PAM: variants seen among roughly 807,000 people sequenced by gnomAD.
PAM encodes peptidyl-glycine alpha-amidating monooxygenase.
A neutral mutation model predicts 122.1 loss-of-function variants in PAM; 72 were observed. The ratio of observed to expected loss-of-function variants is 0.59; its 90% CI spans 0.49 to 0.72. The LOEUF (loss-of-function observed/expected upper bound fraction) is 0.72. Among genes scored for constraint, PAM ranks in the 30% least tolerant of loss-of-function variants. The probability of loss-of-function intolerance (pLI) is 0.00; values close to 1 mark genes in which losing one functional copy is unlikely to be tolerated. For synonymous variants in PAM, 389 were observed against 404.4 expected (o/e 0.96, Z 0.46); for missense variants, 1,106 against 1,183.7 (o/e 0.93, Z 0.96).
At chr5:103,022,163 TA>T (rs917712870) in intron 23 of PAM, among the ~76,000 whole-genome samples, 7 of 121,090 alleles carry the variant, frequency 5.8e-5, no homozygotes, top group African/African-American at 2.3e-4. Flanking sequence ...TTTTAAAAAA[TA>T]AAAAAACCTC....
intron 3 of PAM, among the ~76,000 whole-genome samples, chr5:102,876,845 AT>A (rs1446138776): frequency 6.7e-6 from 1 of 150,104 alleles, no homozygotes; most frequent in Admixed American, 6.6e-5. Flanking sequence ...CAAACAGTAG[AT>A]TTTTTTGGCA....
At chr5:102,818,449 C>G (rs1191575150) in intron 1 of PAM, among the ~76,000 whole-genome samples, 1 of 151,550 alleles carries the variant, frequency 6.6e-6, no homozygotes, top group South Asian at 2.1e-4. Flanking sequence ...ATGTAACTGT[C>G]AAATGGTTAA....
intron 16 of PAM, among the ~76,000 whole-genome samples, chr5:103,000,869 T>G (rs1777180769): frequency 6.6e-6 from 1 of 152,056 alleles, no homozygotes; most frequent in Admixed American, 6.6e-5. Context: ...CCATGACATG[T>G]GGGGATTATG....
intron 1 of PAM, among the ~76,000 whole-genome samples, chr5:102,799,313 T>C (rs1006610511): frequency 2.0e-5 from 3 of 152,044 alleles, no homozygotes; most frequent in African/African-American, 4.8e-5. Context: ...CCAGACTGAG[T>C]GATGATTGTA....
chr5:102,910,776 G>T (rs1218648341), intron 4 of PAM, among the ~76,000 whole-genome samples: 2 of 151,572 alleles, frequency 1.3e-5, no homozygotes, highest in African/African-American at 4.8e-5. Context: ...TCTTCCCCTT[G>T]GATCCTTTAT....
At chr5:102,878,702 G>T (rs1458202183) in intron 3 of PAM, among the ~76,000 whole-genome samples, 1 of 151,436 alleles carries the variant, frequency 6.6e-6, no homozygotes, top group African/African-American at 2.4e-5. Flanking sequence ...GTGTGTGTTT[G>T]TGTCTTAGTT....
At chr5:103,010,416 T>C (rs966442600) in intron 21 of PAM, among the ~76,000 whole-genome samples, 1 of 152,238 alleles carries the variant, frequency 6.6e-6, no homozygotes, top group African/African-American at 2.4e-5. Flanking sequence ...CTGTTTATTC[T>C]AACGTGCTTT....
intron 15 of PAM, among the ~76,000 whole-genome samples, chr5:102,977,658 GCACACACACACACACACACA>G (rs10527378): frequency 1.3e-4 from 19 of 142,932 alleles, no homozygotes; most frequent in African/African-American, 4.6e-4. Context: ...ATGCATGTGC[GCACACACACACACACACACA>G]CACACACACA....
chr5:102,859,235 G>T (rs1000895358), intron 1 of PAM, among the ~76,000 whole-genome samples: 1 of 152,082 alleles, frequency 6.6e-6, no homozygotes, highest in African/African-American at 2.4e-5. Context: ...CATAGGAGAT[G>T]ACTGTTCCAT....
At chr5:102,881,834 C>T (rs1287869917) in intron 3 of PAM, among the ~76,000 whole-genome samples, 2 of 151,026 alleles carry the variant, frequency 1.3e-5, no homozygotes, top group Admixed American at 6.6e-5. Context: ...TCTTTTATCC[C>T]TCATCTCCTT....
rs187312286 is a variant in PAM, at chr5:102,793,249, C to A, written c.-374+37901C>A. On this transcript the variant is annotated intron_variant, in intron 1 of 25. Coordinates refer to ENST00000438793, the MANE Select transcript of PAM (RefSeq NM_001177306.2). The stretch of plus-strand genomic sequence containing the variant: ...TTAAGTTAAAGACTTGTAAATTGGG[C>A]TGGGTGCAGTGGCTCATGCCTGTAA... Among the ~76,000 whole-genome samples, 207 of 152,240 alleles carry A rather than the reference C, an allele frequency of 1.4e-3. 1 individual carries two copies. Among genetic ancestry groups the A allele is most frequent in the Middle Eastern group, 3.4e-3 (1 of 294 alleles).
chr5:102,976,274 C>T (rs569445338), intron 15 of PAM, among the ~76,000 whole-genome samples: 1 of 152,080 alleles, frequency 6.6e-6, no homozygotes, highest in East Asian at 1.9e-4. Context: ...TTTAGGTAAG[C>T]TGTTTCTAAA....
intron 3 of PAM, among the ~76,000 whole-genome samples, chr5:102,884,240 T>C (rs557697917): frequency 6.6e-6 from 1 of 151,870 alleles, no homozygotes; most frequent in Admixed American, 6.6e-5. Context: ...TTTATAGTTG[T>C]TAAAAATTAA....
intron 16 of PAM, among the ~76,000 whole-genome samples, chr5:102,998,843 G>A (rs1486769708): frequency 6.6e-6 from 1 of 152,132 alleles, no homozygotes; most frequent in Non-Finnish European, 1.5e-5. Context: ...GCACTGAAAT[G>A]TTTCTGAATA....
chr5:102,978,058 T>C (rs1280764689), intron 15 of PAM, among the ~76,000 whole-genome samples: 1 of 152,210 alleles, frequency 6.6e-6, no homozygotes, highest in African/African-American at 2.4e-5. Flanking sequence ...ATTACTGTCA[T>C]GTTATGTTAG....
At chr5:102,882,088 TATATATATATATATATATATATAC>T (rs1367042510) in intron 3 of PAM, among the ~76,000 whole-genome samples, 4 of 91,002 alleles carry the variant, frequency 4.4e-5, no homozygotes, top group Non-Finnish European at 8.2e-5. Flanking sequence ...TATATATATA[TATATATATATATATATATATATAC>T]ACCACATTTT....
At chr5:102,808,799 T>C (rs1766981905) in intron 1 of PAM, among the ~76,000 whole-genome samples, 1 of 152,226 alleles carries the variant, frequency 6.6e-6, no homozygotes, top group Non-Finnish European at 1.5e-5. Context: ...CATCATTCCA[T>C]AGTTATGCCA....
upstream of PAM, chr5:102,754,832 T>G (rs1423817975): frequency 6.6e-6 from 1 of 152,278 alleles, no homozygotes; most frequent in Non-Finnish European, 1.5e-5. Context: ...CTCGCAAGGC[T>G]GCTTCTAGGG....
At chr5:102,775,969 C>A (rs1047197036) in intron 1 of PAM, among the ~76,000 whole-genome samples, 1 of 152,100 alleles carries the variant, frequency 6.6e-6, no homozygotes, top group African/African-American at 2.4e-5. Flanking sequence ...AGTGTAAAAA[C>A]ATTCCTATTT....
Sources: allele counts gnomAD v4.1 joint callset (sites outside exome capture counted in the v4.1 genomes callset), GRCh38; gene constraint gnomAD v4.1.1; transcripts MANE v1.5; gene names NCBI Gene and HGNC (gene_info 2026-07-23, HGNC 2026-07-21).